The following ALX4 variants were observed in gnomAD, a reference collection of about 807,000 sequenced individuals.
The protein encoded by ALX4 is ALX homeobox 4.
ALX4 carries 22 observed loss-of-function variants against 40.6 expected under a neutral mutation model. That is an observed-to-expected ratio of 0.54 (90% CI 0.39 to 0.77). ALX4 has a LOEUF of 0.77. Among genes scored for constraint, ALX4 ranks in the 30% least tolerant of loss-of-function variants. The probability of loss-of-function intolerance (pLI) is 0.00; values close to 1 mark genes in which losing one functional copy is unlikely to be tolerated. For missense variants in ALX4, 556 were observed against 564.8 expected (o/e 0.98, Z 0.16); for synonymous variants, 266 against 240.5 (o/e 1.11, Z -0.98).
chr11:44,303,309 C>A (rs1956445583), intron 1 of ALX4, among the ~76,000 whole-genome samples: 1 of 152,246 alleles, frequency 6.6e-6, no homozygotes, highest in African/African-American at 2.4e-5. Context: ...GGCTCCCTCT[C>A]TGCCCCCAAT....
At chr11:44,277,536 A>G (rs1412327450) in intron 1 of ALX4, among the ~76,000 whole-genome samples, 1 of 152,126 alleles carries the variant, frequency 6.6e-6, no homozygotes, top group Non-Finnish European at 1.5e-5. Context: ...AGCATCAGCC[A>G]CTCTGACCCG....
chr11:44,297,831 T>C (rs1303529006), intron 1 of ALX4, among the ~76,000 whole-genome samples: 2 of 152,270 alleles, frequency 1.3e-5, no homozygotes, highest in East Asian at 3.9e-4. Context: ...CACACTTGCT[T>C]CATGTTCTTC....
intron 1 of ALX4, among the ~76,000 whole-genome samples, chr11:44,280,062 C>T (rs1956300305): frequency 6.6e-6 from 1 of 152,230 alleles, no homozygotes; most frequent in African/African-American, 2.4e-5. Context: ...CCGCCTCATC[C>T]TCCTACCCAC....
intron 1 of ALX4, among the ~76,000 whole-genome samples, chr11:44,307,367 G>C (rs983235037): frequency 6.6e-6 from 1 of 152,198 alleles, no homozygotes. Context: ...GGCCCTTTCC[G>C]TCAGCTCCAA....
intron 1 of ALX4, among the ~76,000 whole-genome samples, chr11:44,281,358 TGTGGGTGCAGATCCGCGTGG>T (rs1956309045): frequency 6.6e-6 from 1 of 151,990 alleles, no homozygotes; most frequent in African/African-American, 2.4e-5. Flanking sequence ...GGCAGTTGTG[TGTGGGTGCAGATCCGCGTGG>T]GTGGGTGTGG....
chr11:44,281,850 C>T (rs911096161), intron 1 of ALX4, among the ~76,000 whole-genome samples: 14 of 152,170 alleles, frequency 9.2e-5, no homozygotes, highest in Admixed American at 6.5e-5. Context: ...CACACATGCA[C>T]GGGGCACAGC....
intron 1 of ALX4, among the ~76,000 whole-genome samples, chr11:44,309,393 G>A (rs935544325): frequency 6.6e-6 from 1 of 152,222 alleles, no homozygotes; most frequent in East Asian, 1.9e-4. Context: ...CAGCCGAAAC[G>A]CTCCGTGCCT....
chr11:44,279,022 A>G (rs1481991795), intron 1 of ALX4, among the ~76,000 whole-genome samples: 5 of 152,152 alleles, frequency 3.3e-5, no homozygotes, highest in African/African-American at 1.2e-4. Context: ...GCTCCACTCA[A>G]CTGGTCAGAA....
At chr11:44,285,667 G>A (rs1378744667) in intron 1 of ALX4, among the ~76,000 whole-genome samples, 1 of 151,996 alleles carries the variant, frequency 6.6e-6, no homozygotes, top group East Asian at 1.9e-4. Flanking sequence ...ATGGATGAAA[G>A]TGAGATCTTG....
At chr11:44,292,914 A>C (rs1413962098) in intron 1 of ALX4, among the ~76,000 whole-genome samples, 4 of 150,170 alleles carry the variant, frequency 2.7e-5, no homozygotes, top group Non-Finnish European at 5.9e-5. Flanking sequence ...TGGGCAACAC[A>C]GTAAGACCCC....
At chr11:44,281,562 C>T (rs963636517) in intron 1 of ALX4, among the ~76,000 whole-genome samples, 6 of 151,972 alleles carry the variant, frequency 3.9e-5, no homozygotes, top group Non-Finnish European at 5.9e-5. Context: ...CCCCACACAC[C>T]CTGTGGCGGA....
Position 44,264,717 on chromosome 11 carries a change from C to A in ALX4, c.*137G>T, listed in dbSNP as rs1357281496. The stretch of plus-strand genomic sequence containing the variant: ...AGTCCACGGGGCCTCAGACTTGGGG[C>A]GGCTGAAAGTGCTGAGGGTCAGGCC... On this transcript the variant is annotated 3_prime_UTR_variant, in exon 4 of 4. Coordinates refer to ENST00000652299, the MANE Select transcript of ALX4 (RefSeq NM_021926.4). The A allele has an allele frequency of 3.1e-6, 3 of 966,162 alleles. No homozygotes were observed. Among genetic ancestry groups the A allele is most frequent in the Non-Finnish European group, 4.5e-6 (3 of 659,930 alleles). 59.8% of individuals were successfully genotyped at this position (966,162 alleles called of 1,614,324 possible).
At chr11:44,269,991 T>C (rs1209131069) in intron 2 of ALX4, among the ~76,000 whole-genome samples, 1 of 151,494 alleles carries the variant, frequency 6.6e-6, no homozygotes, top group Admixed American at 6.6e-5. Flanking sequence ...GGGTTCTCCT[T>C]GTGTCTCTGT....
At chr11:44,290,533 G>A (rs984838993) in intron 1 of ALX4, among the ~76,000 whole-genome samples, 2 of 152,254 alleles carry the variant, frequency 1.3e-5, no homozygotes, top group Non-Finnish European at 1.5e-5. Context: ...CAGGGCAGGG[G>A]CACCTAGCCC....
At chr11:44,290,684 G>A (rs905263512) in intron 1 of ALX4, among the ~76,000 whole-genome samples, 3 of 152,254 alleles carry the variant, frequency 2.0e-5, no homozygotes, top group African/African-American at 7.2e-5. Context: ...AGAAATGGGA[G>A]CCGACTAAAG....
intron 2 of ALX4, among the ~76,000 whole-genome samples, chr11:44,273,981 A>G (rs1055902332): frequency 4.0e-5 from 6 of 151,782 alleles, no homozygotes; most frequent in Admixed American, 3.9e-4. Context: ...AAATACCCAA[A>G]AGATAAAATG....
chr11:44,303,046 G>A (rs926278531), intron 1 of ALX4, among the ~76,000 whole-genome samples: 2 of 152,120 alleles, frequency 1.3e-5, no homozygotes, highest in Admixed American at 6.5e-5. Flanking sequence ...GATCTACACC[G>A]CAACTGTGGG....
In ALX4 at chr11:44,309,800, T is replaced by C; in HGVS notation, c.263A>G (p.Asn88Ser). 6.4e-7 allele frequency: 1 copy of C among 1,551,006 alleles called. No individual in the cohort carries two copies. The highest frequency in any genetic ancestry group is 2.0e-5 in the Admixed American group (1 of 51,086). Residue 88 changes from asparagine (N) to serine (S), a missense_variant, in exon 1 of 4, where the codon AAC (asparagine) becomes AGC (serine). Transcript: ENST00000652299. ...GGTCGACGGCTGGGGCTGGAACTTGTTAAAGGAGCCCCGCGCCCCAGCTCC... is the reference window on the plus strand; with the variant it reads ...GGTCGACGGCTGGGGCTGGAACTTGCTAAAGGAGCCCCGCGCCCCAGCTCC... ...ESGAGARGSFNKFQPQPSTPQ... is the reference protein window; with the variant it reads ...ESGAGARGSFSKFQPQPSTPQ...
At chr11:44,299,073 T>C (rs1956420083) in intron 1 of ALX4, among the ~76,000 whole-genome samples, 1 of 152,196 alleles carries the variant, frequency 6.6e-6, no homozygotes, top group African/African-American at 2.4e-5. Context: ...TAGAGGGCAC[T>C]GTTCCCACAG....
Sources: gnomAD v4.1 joint callset for allele counts (sites outside exome capture counted in the v4.1 genomes callset) on GRCh38, gnomAD v4.1.1 for gene constraint, MANE v1.5 for transcripts, NCBI Gene and HGNC (gene_info 2026-07-23, HGNC 2026-07-21) for gene names.